DNAH11: variants seen among roughly 807,000 people sequenced by gnomAD.
DNAH11 encodes dynein axonemal heavy chain 11, also known as axonemal beta dynein heavy chain 11.
In DNAH11, 442 loss-of-function variants were observed where a neutral mutation model predicts 526.0. The observed-to-expected ratio is 0.84, with a 90% CI of 0.78 to 0.91. The LOEUF is 0.91. Among genes scored for constraint, DNAH11 ranks in the 40% least tolerant of loss-of-function variants. DNAH11 has a pLI of 0.00. For synonymous variants in DNAH11, 2,461 were observed against 1,935.9 expected (o/e 1.27, Z -7.12); for missense variants, 6,989 against 5,448.7 (o/e 1.28, Z -8.90).
chr7:21,629,892 A>T (rs913956596), intron 25 of DNAH11, among the ~76,000 whole-genome samples: 7 of 152,096 alleles, frequency 4.6e-5, no homozygotes, highest in African/African-American at 1.4e-4. Context: ...TATGCATTTA[A>T]TTGGATAATT....
At chr7:21,632,493 C>G (rs970873182) in intron 25 of DNAH11, among the ~76,000 whole-genome samples, 3 of 152,168 alleles carry the variant, frequency 2.0e-5, no homozygotes, top group African/African-American at 7.2e-5. Context: ...CAAGTCACCT[C>G]TCGAATGCTT....
intron 68 of DNAH11, among the ~76,000 whole-genome samples, chr7:21,855,579 T>C (rs149969725): frequency 1.4e-3 from 206 of 152,348 alleles, no homozygotes; most frequent in Non-Finnish European, 1.6e-3. Flanking sequence ...TTTAAATAAA[T>C]TGCCCAAGAA....
chr7:21,660,983 G>A lies in DNAH11; in HGVS notation c.5328+1952G>A, dbSNP rs566286309. 7.7e-4 allele frequency among the ~76,000 whole-genome samples: 116 copies of A among 151,386 alleles called. 1 individual carries two copies. The South Asian group carries it at 0.014, about 18-fold the overall frequency. On this transcript the variant is annotated intron_variant, in intron 30 of 81. Coordinates refer to ENST00000409508, the MANE Select transcript of DNAH11 (RefSeq NM_001277115.2). ...TATTTTCTTTCTTCTCCTTTGTTTCGGTTTACTCTGGTTGTCTAACTTCTT... is the reference window on the plus strand; with the variant it reads ...TATTTTCTTTCTTCTCCTTTGTTTCAGTTTACTCTGGTTGTCTAACTTCTT...
intron 54 of DNAH11, among the ~76,000 whole-genome samples, chr7:21,761,066 G>C (rs1036394743): frequency 6.6e-6 from 1 of 152,142 alleles, no homozygotes; most frequent in Non-Finnish European, 1.5e-5. Context: ...GTGACAACTG[G>C]GGTTTACTTC....
At chr7:21,622,081 G>C (rs2128455021) in intron 25 of DNAH11, among the ~76,000 whole-genome samples, 1 of 152,144 alleles carries the variant, frequency 6.6e-6, no homozygotes, top group Non-Finnish European at 1.5e-5. Context: ...CATTGTCTCA[G>C]CCCAAAATCT....
chr7:21,660,830 A>G (rs943552685), intron 30 of DNAH11, among the ~76,000 whole-genome samples: 4 of 152,198 alleles, frequency 2.6e-5, no homozygotes, highest in South Asian at 2.1e-4. Flanking sequence ...TTTACATTCC[A>G]TACATTTATT....
intron 55 of DNAH11, among the ~76,000 whole-genome samples, chr7:21,773,469 C>T (rs535141780): frequency 7.8e-4 from 119 of 151,868 alleles, no homozygotes; most frequent in African/African-American, 2.3e-3. Context: ...TTCACACACT[C>T]GGTAGATAAA....
chr7:21,551,001 C>A (rs72494316), intron 2 of DNAH11, among the ~76,000 whole-genome samples: 1 of 152,158 alleles, frequency 6.6e-6, no homozygotes, highest in African/African-American at 2.4e-5. Context: ...CTTCCACATA[C>A]TTATTTAGTG....
Position 21,724,153 on chromosome 7 carries a change from A to C in DNAH11, c.7267-1658A>C, listed in dbSNP as rs754599099. On this transcript the variant is annotated intron_variant, in intron 44 of 81. Coordinates refer to ENST00000409508, the MANE Select transcript of DNAH11 (RefSeq NM_001277115.2). ...TTAGGTGAAGCAAAGTTTGATATCA[A>C]GTAAAAGTTAAATGTAGTCTGCCTG... 1.1e-4 allele frequency among the ~76,000 whole-genome samples: 17 copies of C among 152,280 alleles called. 1 individual carries two copies. The highest frequency in any genetic ancestry group is 2.4e-4 in the Non-Finnish European group (16 of 68,050).
chr7:21,742,261 T>C, intron 49 of DNAH11, 95 bp downstream of exon 49: 1 of 1,346,550 alleles, frequency 7.4e-7, no homozygotes, highest in Non-Finnish European at 1.0e-6. Flanking sequence ...GAGAAACACC[T>C]GAGGCTAGGT....
At chr7:21,583,204 A>G (rs1784373851) in intron 9 of DNAH11, among the ~76,000 whole-genome samples, 1 of 152,214 alleles carries the variant, frequency 6.6e-6, no homozygotes, top group South Asian at 2.1e-4. Flanking sequence ...AGGCTACAGT[A>G]ACCAAAACAG....
intron 43 of DNAH11, 81 bp downstream of exon 43, chr7:21,718,006 T>A (rs1784729683): frequency 2.0e-6 from 3 of 1,502,960 alleles, no homozygotes; most frequent in East Asian, 4.6e-5. Flanking sequence ...AGATCTTGCC[T>A]TGCCCAAGAA....
intron 61 of DNAH11, among the ~76,000 whole-genome samples, chr7:21,796,933 C>T (rs186415289): frequency 9.2e-4 from 140 of 151,788 alleles, no homozygotes; most frequent in Admixed American, 1.8e-3. Context: ...TGATTAGTAA[C>T]TTGAGAGAAT....
rs563979676 is a variant in DNAH11, at chr7:21,796,002, A to C, written c.10027-5135A>C. On this transcript the variant is annotated intron_variant, in intron 61 of 81. Transcript: ENST00000409508. ...AGTGAGTACCTCAACATGACTGAAG[A>C]GTAGAGTATAAATGTCAGTGTGTGG... 1.0e-3 allele frequency among the ~76,000 whole-genome samples: 155 copies of C among 152,310 alleles called. 2 individuals carry two copies. The highest frequency in any genetic ancestry group is 9.9e-3 in the Admixed American group (151 of 15,304).
chr7:21,644,877 A>T (rs1487992665), intron 28 of DNAH11, among the ~76,000 whole-genome samples: 1 of 152,244 alleles, frequency 6.6e-6, no homozygotes, highest in African/African-American at 2.4e-5. Flanking sequence ...CTACTTTCAG[A>T]ATAAATGCCA....
At chr7:21,585,723 T>C in intron 9 of DNAH11, among the ~76,000 whole-genome samples, 1 of 152,184 alleles carries the variant, frequency 6.6e-6, no homozygotes, top group East Asian at 1.9e-4. Flanking sequence ...GGCCACAGAT[T>C]TTTAAAAATC....
intron 62 of DNAH11, among the ~76,000 whole-genome samples, chr7:21,805,977 A>G (rs1464071221): frequency 6.6e-6 from 1 of 152,196 alleles, no homozygotes; most frequent in African/African-American, 2.4e-5. Flanking sequence ...ATATTTAATC[A>G]TTAACTAACT....
rs1315186050 is a variant in DNAH11 at position 21,735,834 on chromosome 7, A to G, written c.7635A>G (p.Thr2545=). ...RVPFNYYTTS[T]ALQKILEKPL... ...CTTTCAACTACTACACGACATCCAC[A>G]GCTCTGCAAAGTAAGTGCACCTGTT... Residue 2545 remains threonine (T), a synonymous_variant, in exon 46 of 82, where the codon ACA becomes ACG. Transcript: ENST00000409508. The G allele has an allele frequency of 5.0e-6, 8 of 1,602,968 alleles. No homozygotes were observed. The highest frequency in any genetic ancestry group is 4.0e-5 in the African/African-American group (3 of 74,642).
intron 2 of DNAH11, among the ~76,000 whole-genome samples, chr7:21,557,875 G>A (rs911687616): frequency 2.6e-5 from 4 of 152,096 alleles, no homozygotes; most frequent in East Asian, 1.9e-4. Context: ...GCTCACTGAG[G>A]GCAGGGACTA....
Sources: allele counts gnomAD v4.1 joint callset (sites outside exome capture counted in the v4.1 genomes callset), GRCh38; gene constraint gnomAD v4.1.1; transcripts MANE v1.5; gene names NCBI Gene and HGNC (gene_info 2026-07-23, HGNC 2026-07-21).